FASTKD1: variants seen among roughly 807,000 people sequenced by gnomAD.
FASTKD1 encodes FAST kinase domain-containing protein 1, mitochondrial.
FASTKD1 carries 94 observed loss-of-function variants against 90.9 expected under a neutral mutation model. The ratio of observed to expected loss-of-function variants is 1.03; its 90% CI spans 0.88 to 1.23. The LOEUF (loss-of-function observed/expected upper bound fraction) is 1.23. FASTKD1 is among the 50% of genes most tolerant of loss of function. The probability of loss-of-function intolerance (pLI) is 0.00; values close to 1 mark genes in which losing one functional copy is unlikely to be tolerated. For synonymous variants in FASTKD1, 319 were observed against 345.8 expected, an observed-to-expected ratio of 0.92 and a Z score of 0.86; for missense variants, 945 against 993.5, an observed-to-expected ratio of 0.95 and a Z score of 0.66.
At position 169,571,617 on chromosome 2, in the gene FASTKD1, T is replaced by C. The variant is rs4668146; in HGVS notation, c.377+36A>G. 3.2e-6 allele frequency: 4 copies of C among 1,259,582 alleles called. No homozygotes were observed. The African/African-American group carries it at 6.1e-5, about 19-fold the overall frequency. The allele number at this position is 1,259,582 out of a possible 1,614,324, so 78.0% of individuals were successfully genotyped here. On this transcript the variant is annotated intron_variant, in intron 2 of 14. Coordinates refer to ENST00000453153, the MANE Select transcript of FASTKD1 (RefSeq NM_024622.6). The stretch of plus-strand genomic sequence containing the variant: ...TTAGAAAATTAAAATGTAAACTATA[T>C]AATCATTCCATAAAATATAAAAGTA...
chr2:169,548,466 T>G (rs1685320929), intron 7 of FASTKD1, among the ~76,000 whole-genome samples: 1 of 148,230 alleles, frequency 6.7e-6, no homozygotes, highest in African/African-American at 2.5e-5. Flanking sequence ...GCATGGTGGC[T>G]CACACCTTTA....
rs183736437 is a variant in FASTKD1 at position 169,534,975 on chromosome 2, T to C, written c.2188+2252A>G. On this transcript the variant is annotated intron_variant, in intron 12 of 14. Coordinates refer to ENST00000453153, the MANE Select transcript of FASTKD1 (RefSeq NM_024622.6). ...TTTTCTATGTTAAGCATGTCTCATG[T>C]AATTTTTTTTTAAGAGATGGGGTTA... Among the ~76,000 whole-genome samples, 76 of 152,200 alleles carry C rather than the reference T, an allele frequency of 5.0e-4. No homozygotes were observed. In the East Asian group the frequency reaches 0.011, roughly 22 times the overall value.
At position 169,537,395 on chromosome 2, in the gene FASTKD1, TC is replaced by T. The variant is rs533064890; in HGVS notation, c.2075-56del. ...TTAATCTTTTTTTTCTTTTTTTTTT[TC>T]CTTTGAGACGGAGTTTTCGCTCTTG... On this transcript the variant is annotated intron_variant, in intron 11 of 14. Coordinates refer to ENST00000453153, the MANE Select transcript of FASTKD1 (RefSeq NM_024622.6). The T allele has an allele frequency of 9.2e-5, 116 of 1,254,832 alleles. 2 individuals are homozygous for T. The South Asian group carries it at 1.5e-3, about 17-fold the overall frequency. 77.7% of individuals were successfully genotyped at this position (1,254,832 alleles called of 1,614,324 possible).
chr2:169,548,463 G>C (rs912463057), intron 7 of FASTKD1, among the ~76,000 whole-genome samples: 1 of 151,318 alleles, frequency 6.6e-6, no homozygotes, highest in African/African-American at 2.4e-5. Flanking sequence ...CGGGCATGGT[G>C]GCTCACACCT....
chr2:169,531,520 A>G, intron 12 of FASTKD1, 30 bp from the exon 13 acceptor site: 1 of 1,560,890 alleles, frequency 6.4e-7, no homozygotes, highest in South Asian at 1.2e-5. Flanking sequence ...TGGTAGTATG[A>G]ATTAGGTAAA....
intron 12 of FASTKD1, chr2:169,531,795 A>G (rs1432998833): frequency 4.6e-6 from 1 of 217,720 alleles, no homozygotes; most frequent in Non-Finnish European, 9.0e-6. Context: ...AAGGCTCTTG[A>G]TTACATTTGG....
chr2:169,551,555 A>G (rs2592822), intron 7 of FASTKD1, among the ~76,000 whole-genome samples: 145,356 of 152,222 alleles, frequency 0.95, 69,550 homozygotes, highest in East Asian at 1. Flanking sequence ...CCAGCACTTC[A>G]GGAGGCCAAG....
At chr2:169,533,523 A>T (rs1317060990) in intron 12 of FASTKD1, among the ~76,000 whole-genome samples, 1 of 152,228 alleles carries the variant, frequency 6.6e-6, no homozygotes, top group African/African-American at 2.4e-5. Flanking sequence ...AATAATTTAC[A>T]TACTTCATAG....
chr2:169,570,049 G>T (rs1177362084), intron 2 of FASTKD1, among the ~76,000 whole-genome samples: 8 of 151,842 alleles, frequency 5.3e-5, no homozygotes, highest in Non-Finnish European at 1.2e-4. Context: ...CCCAATATAA[G>T]CCCCAAGCCC....
chr2:169,537,014 T>A (rs910666035), intron 12 of FASTKD1: 11 of 269,664 alleles, frequency 4.1e-5, no homozygotes, highest in East Asian at 8.7e-5. Flanking sequence ...TTTTTTTTTC[T>A]AAAGAATAGA....
intron 12 of FASTKD1, chr2:169,536,991 C>A: frequency 2.9e-6 from 1 of 349,564 alleles, no homozygotes; most frequent in South Asian, 3.7e-5. Flanking sequence ...GAGGACTGAC[C>A]TTAATTTTTT....
intron 12 of FASTKD1, chr2:169,537,013 C>CT: frequency 9.6e-6 from 1 of 103,748 alleles, no homozygotes; most frequent in South Asian, 1.6e-4. Flanking sequence ...TTTTTTTTTT[C>CT]TAAAGAATAG....
At chr2:169,548,638 A>G (rs907480943) in intron 7 of FASTKD1, among the ~76,000 whole-genome samples, 1 of 148,026 alleles carries the variant, frequency 6.8e-6, no homozygotes, top group African/African-American at 2.5e-5. Flanking sequence ...AGGCTAAGGC[A>G]TGAGAATCGC....
At chr2:169,568,874 C>T (rs902133734) in intron 3 of FASTKD1, among the ~76,000 whole-genome samples, 1 of 151,336 alleles carries the variant, frequency 6.6e-6, no homozygotes, top group African/African-American at 2.4e-5. Context: ...ATGGTGGGTG[C>T]CTATAATCCC....
In FASTKD1 at chr2:169,557,306, A is replaced by C. The variant is rs1367071228; in HGVS notation, c.972-9T>G. 1 of 477,222 alleles carries C rather than the reference A, an allele frequency of 2.1e-6. No individual in the cohort carries two copies. Among genetic ancestry groups the C allele is most frequent in the Non-Finnish European group, 2.9e-6 (1 of 341,994 alleles). 29.6% of individuals were successfully genotyped at this position (477,222 alleles called of 1,614,324 possible). A position where few individuals can be genotyped will look rare whatever the true frequency, so the allele number is the denominator to read the frequency against. ...ACATAGTTGATTTAAGTCTAGAAGC[A>C]AAAAAAAAAAAGTTTTTGGTTGAAA... is the stretch of plus-strand genomic sequence containing the variant. On this transcript the variant is annotated splice_polypyrimidine_tract_variant and intron_variant, in intron 5 of 14. Coordinates refer to ENST00000453153, the MANE Select transcript of FASTKD1 (RefSeq NM_024622.6).
At chr2:169,560,298 T>C in intron 5 of FASTKD1, 89 bp downstream of exon 5, 2 of 1,025,904 alleles carry the variant, frequency 1.9e-6, no homozygotes, top group East Asian at 2.6e-5. Context: ...AGGGTGATAT[T>C]TGTACCTTCC....
intron 4 of FASTKD1, 55 bp downstream of exon 4, chr2:169,563,170 C>A: frequency 6.4e-7 from 1 of 1,554,848 alleles, no homozygotes; most frequent in South Asian, 1.1e-5. Flanking sequence ...ACTGCATCCA[C>A]ATCCAAAGCC....
At chr2:169,530,006 G>C in intron 14 of FASTKD1, 80 bp from the exon 15 acceptor site, 1 of 939,474 alleles carries the variant, frequency 1.1e-6, no homozygotes, top group Non-Finnish European at 1.6e-6. Flanking sequence ...AAGCACTACT[G>C]ATCAAAGCTG....
intron 14 of FASTKD1, 121 bp from the exon 15 acceptor site, chr2:169,530,047 G>A: frequency 2.9e-6 from 2 of 699,014 alleles, no homozygotes; most frequent in Non-Finnish European, 4.7e-6. Flanking sequence ...TTTACATAAG[G>A]ATAGCCTGTG....
Sources: allele counts gnomAD v4.1 joint callset (sites outside exome capture counted in the v4.1 genomes callset), GRCh38; gene constraint gnomAD v4.1.1; transcripts MANE v1.5; gene names NCBI Gene and HGNC (gene_info 2026-07-23, HGNC 2026-07-21).